Variants in TDRD12 observed in about 807,000 individuals in gnomAD.
TDRD12 encodes the protein tudor domain containing 12, also known as putative ATP-dependent RNA helicase TDRD12.
TDRD12 carries 158 observed loss-of-function variants against 133.5 expected under a neutral mutation model. The observed-to-expected ratio is 1.18, with a 90% confidence interval of 1.04 to 1.35. TDRD12 has a LOEUF of 1.35. TDRD12 is among the 40% of genes most tolerant of loss of function. The pLI is 0.00. For synonymous variants in TDRD12, 460 were observed against 477.9 expected (o/e 0.96, Z 0.49); for missense variants, 1,443 against 1,321.3 (o/e 1.09, Z -1.43).
At chr19:32,755,750 C>T (rs1969973356) in intron 6 of TDRD12, among the ~76,000 whole-genome samples, 1 of 152,210 alleles carries the variant, frequency 6.6e-6, no homozygotes, top group South Asian at 2.1e-4. Flanking sequence ...TTTAGTGCTA[C>T]AGTGCGTATG....
chr19:32,721,251 G>T (rs963732816), intron 1 of TDRD12, among the ~76,000 whole-genome samples: 3 of 152,354 alleles, frequency 2.0e-5, no homozygotes, highest in Admixed American at 6.5e-5. Flanking sequence ...GGAGGAAGGA[G>T]TTGACAGGCC....
rs943214573 is a variant in TDRD12 at position 32,765,891 on chromosome 19, T to TA, written c.866-6850dup. On this transcript the variant is annotated intron_variant, in intron 8 of 27. Transcript: ENST00000444215. ...GTACCCTAAAACTTAAAGTATAATT[T>TA]AAAAAAAAAAAACAGAGCAGCTGAA... Among the ~76,000 whole-genome samples the TA allele has an allele frequency of 8.8e-3, 1,225 of 138,730 alleles. 17 individuals carry two copies. The highest frequency in any genetic ancestry group is 0.03 in the African/African-American group (1,121 of 37,844). 91.0% of individuals were successfully genotyped at this position (138,730 alleles called of 152,430 possible).
At chr19:32,738,678 C>T (rs550242436) in intron 2 of TDRD12, among the ~76,000 whole-genome samples, 178 bp from the exon 3 acceptor site, 4 of 151,966 alleles carry the variant, frequency 2.6e-5, no homozygotes, top group East Asian at 3.9e-4. Flanking sequence ...CCAGGCATGG[C>T]GGCAGGCACC....
At chr19:32,778,742 C>T (rs576946133) in intron 11 of TDRD12, among the ~76,000 whole-genome samples, 7 of 152,278 alleles carry the variant, frequency 4.6e-5, no homozygotes, top group African/African-American at 1.4e-4. Flanking sequence ...TCAGGTGATC[C>T]GCCCACCTTG....
At chr19:32,814,421 G>T (rs1206563731) in intron 25 of TDRD12, among the ~76,000 whole-genome samples, 1 of 152,144 alleles carries the variant, frequency 6.6e-6, no homozygotes, top group Non-Finnish European at 1.5e-5. Flanking sequence ...AAAAACTTTT[G>T]CTGAATGTTA....
At chr19:32,741,362 G>A (rs1333562158) in intron 3 of TDRD12, among the ~76,000 whole-genome samples, 6 of 152,298 alleles carry the variant, frequency 3.9e-5, no homozygotes, top group South Asian at 4.1e-4. Context: ...GATTACAGGC[G>A]TGAGCCACTG....
intron 10 of TDRD12, among the ~76,000 whole-genome samples, chr19:32,775,530 G>A (rs756510564): frequency 2.0e-4 from 31 of 152,066 alleles, no homozygotes; most frequent in Admixed American, 3.9e-4. Flanking sequence ...TGGAAGTCTC[G>A]CTATGTTGCC....
At chr19:32,825,055 C>T (rs921717335), downstream of TDRD12, among the ~76,000 whole-genome samples, 1 of 152,166 alleles carries the variant, frequency 6.6e-6, no homozygotes, top group Non-Finnish European at 1.5e-5. This position sits in a 1 kb window ranked among gnomAD's most constrained non-coding sequence, Gnocchi z 4.1. Flanking sequence ...GCTCTGTGAT[C>T]AGGCCAGGCC....
exon 9 of TDRD12, chr19:32,826,453 T>C (rs1457080502): frequency 1.9e-5 from 24 of 1,247,650 alleles, no homozygotes; most frequent in Non-Finnish European, 2.4e-5. Flanking sequence ...AGTGCTTGGG[T>C]GGGAGACAAA....
chr19:32,806,344 T>TTTG (rs1555776582), intron 21 of TDRD12, among the ~76,000 whole-genome samples: 3 of 150,038 alleles, frequency 2.0e-5, no homozygotes, highest in East Asian at 1.9e-4. Context: ...CGAGTTTTTT[T>TTTG]TTTTTTTTTT....
chr19:32,754,669 C>CTTTTTTTTTT (rs35714049), intron 6 of TDRD12, among the ~76,000 whole-genome samples: 3 of 70,072 alleles, frequency 4.3e-5, no homozygotes, highest in Admixed American at 1.9e-4. Context: ...ATGACTCTAT[C>CTTTTTTTTTT]TTTTTTTTTT....
At chr19:32,785,100 C>T (rs1042171008) in intron 11 of TDRD12, among the ~76,000 whole-genome samples, 7 of 152,114 alleles carry the variant, frequency 4.6e-5, no homozygotes, top group African/African-American at 1.7e-4. Context: ...TAGATCTCTC[C>T]TGCTTTCCCT....
intron 13 of TDRD12, among the ~76,000 whole-genome samples, chr19:32,794,215 C>T (rs1971156172): frequency 6.7e-6 from 1 of 149,730 alleles, no homozygotes; most frequent in South Asian, 2.1e-4. Context: ...AAGTGATTCT[C>T]CTGCCGCAGC....
chr19:32,748,512 C>G lies in TDRD12; in HGVS notation c.477C>G (p.Tyr159Ter). ...AGTGGGACAATGCAGCTATTCAGTA[C>G]TTTCAGAACCTTCTGAAAGGTAAGC... Residue 159 changes from tyrosine (Y) to a stop codon, truncating the protein, a stop_gained, in exon 5 of 28, where the codon TAC becomes TAG. Coordinates refer to ENST00000444215, the Ensembl canonical transcript of TDRD12. LOFTEE classifies it high-confidence loss of function. The G allele has an allele frequency of 6.4e-7, 1 of 1,551,718 alleles. No homozygotes were observed. The highest frequency in any genetic ancestry group is 8.7e-7 in the Non-Finnish European group (1 of 1,146,886).
chr19:32,817,293 C>A (rs1460576100), intron 26 of TDRD12, among the ~76,000 whole-genome samples: 1 of 151,938 alleles, frequency 6.6e-6, no homozygotes, highest in Non-Finnish European at 1.5e-5. Context: ...CAGAGTCCAC[C>A]CCCCGCCCAG....
chr19:32,806,828 A>C (rs952888235), intron 21 of TDRD12, among the ~76,000 whole-genome samples: 10 of 151,502 alleles, frequency 6.6e-5, no homozygotes, highest in Non-Finnish European at 1.5e-4. Context: ...TGCGCAGCTA[A>C]TTTTTGTATT....
At chr19:32,743,729 C>A (rs1408783494) in intron 4 of TDRD12, among the ~76,000 whole-genome samples, 3 of 151,816 alleles carry the variant, frequency 2.0e-5, no homozygotes, top group Non-Finnish European at 4.4e-5. Context: ...GCAGAATTAA[C>A]TTAAGAATAT....
At chr19:32,807,159 G>A (rs1305717400) in intron 21 of TDRD12, among the ~76,000 whole-genome samples, 1 of 150,964 alleles carries the variant, frequency 6.6e-6, no homozygotes, top group Non-Finnish European at 1.5e-5. Context: ...TAGAGAAATA[G>A]GGTGGCTGAG....
At chr19:32,810,044 G>A (rs759652180) in intron 22 of TDRD12, 49 bp from the exon 23 acceptor site, 121 of 1,240,024 alleles carry the variant, frequency 9.8e-5, no homozygotes, top group Non-Finnish European at 1.3e-4. Context: ...GTACATATCC[G>A]GTTTAGACTA....
Sources: gnomAD v4.1 joint callset for allele counts (sites outside exome capture counted in the v4.1 genomes callset) on GRCh38, gnomAD v4.1.1 for gene constraint, Gnocchi (gnomAD v3.1) non-coding constraint, MANE v1.5 for transcripts, NCBI Gene and HGNC (gene_info 2026-07-23, HGNC 2026-07-21) for gene names.